PLCG1: variants seen among roughly 807,000 people sequenced by gnomAD.
PLCG1 encodes the protein 1-phosphatidylinositol 4,5-bisphosphate phosphodiesterase gamma-1.
Under a neutral mutation model 177.8 loss-of-function variants are expected in PLCG1, and 71 were observed. The observed-to-expected ratio is 0.40, with a 90% CI of 0.33 to 0.49. The LOEUF is 0.49. PLCG1 is among the 20% of genes least tolerant of loss of function. PLCG1 has a pLI of 0.72. For synonymous variants in PLCG1, 658 were observed against 647.9 expected, an observed-to-expected ratio of 1.02 and a Z score of -0.24; for missense variants, 1,281 against 1,709.0, an observed-to-expected ratio of 0.75 and a Z score of 4.42.
chr20:41,165,504 G>A lies in PLCG1; in HGVS notation c.1564G>A (p.Glu522Lys). The change falls in exon 15 of 32, where the codon GAG becomes AAG. Residue 522 changes from glutamate to lysine, a missense_variant. Glu to Lys is a moderately conservative substitution (Grantham distance 56). Transcript: ENST00000685551. This position sits in a 1 kb window ranked among gnomAD's most constrained non-coding sequence, Gnocchi z 6.6. ...LTSSKIYYSE[E>K]TSSDQGNEDE... ...CAGCAGCAAGATCTACTACTCTGAGGAGACCAGCAGTGACCAGGGCAACGA... is the reference window on the plus strand; with the variant it reads ...CAGCAGCAAGATCTACTACTCTGAGAAGACCAGCAGTGACCAGGGCAACGA... The A allele has an allele frequency of 6.2e-7, 1 of 1,614,050 alleles. No homozygotes were observed. The highest frequency in any genetic ancestry group is 8.5e-7 in the Non-Finnish European group (1 of 1,179,956).
chr20:41,162,653 G>A lies in PLCG1; in HGVS notation c.609G>A (p.Gln203=), dbSNP rs1263130405. 4 of 1,613,864 alleles carry A rather than the reference G, an allele frequency of 2.5e-6. No individual in the cohort carries two copies. In the Admixed American group the frequency reaches 6.7e-5, roughly 27 times the overall value. ...FLRERLTDLE[Q]RSGDITYGQF... is the part of the protein sequence containing the mutation. ...TCTATACCATGCAGGACCTGGAGCAGCGCAGCGGGGACATCACCTACGGGC... is the reference window on the plus strand; with the variant it reads ...TCTATACCATGCAGGACCTGGAGCAACGCAGCGGGGACATCACCTACGGGC... Residue 203 remains glutamine, a synonymous_variant, in exon 6 of 32, where the codon CAG becomes CAA. Coordinates refer to ENST00000685551, the MANE Select transcript of PLCG1 (RefSeq NM_002660.3).
At chr20:41,140,761 G>A (rs1204390424) in intron 1 of PLCG1, among the ~76,000 whole-genome samples, 1 of 152,198 alleles carries the variant, frequency 6.6e-6, no homozygotes, top group Non-Finnish European at 1.5e-5. Flanking sequence ...TTATGTTGCA[G>A]ATACTGACAT....
In PLCG1 at chr20:41,169,312, C is replaced by G. The variant is rs139122362; in HGVS notation, c.2580+137C>G. The G allele has an allele frequency of 6.2e-5, 57 of 918,086 alleles. No individual in the cohort carries two copies. The East Asian group carries it at 1.1e-3, about 18-fold the overall frequency. 56.9% of individuals were successfully genotyped at this position (918,086 alleles called of 1,614,324 possible). On this transcript the variant is annotated intron_variant, in intron 22 of 31. Coordinates refer to ENST00000685551, the MANE Select transcript of PLCG1 (RefSeq NM_002660.3). ...GGGCTGGTCGCACAGCCCATGTGGC[C>G]ATGCACGTAGTCTCCCATATACCTG...
chr20:41,171,381 CT>C (rs1044953520), intron 24 of PLCG1, among the ~76,000 whole-genome samples: 3 of 151,916 alleles, frequency 2.0e-5, no homozygotes, highest in Admixed American at 1.3e-4. Context: ...GAGGTCAGGA[CT>C]TCGAGACCAG....
Position 41,173,494 on chromosome 20 carries a change from A to AGCT in PLCG1, c.3356_3358dup (p.Ala1119dup), listed in dbSNP as rs1462003219. Reference sequence around the variant, plus strand: ...CTTTTGTGGAGATTGAGGTGGCTGGAGCTGAGTATGACAGCACCAAGCAGA... The same window carrying AGCT: ...CTTTTGTGGAGATTGAGGTGGCTGGAGCTGCTGAGTATGACAGCACCAAGCAGA... On this transcript the variant is annotated inframe_insertion, in exon 28 of 32. Transcript: ENST00000685551. The surrounding 1 kb of genome is among the most constrained non-coding windows in gnomAD (Gnocchi z 6.2). The AGCT allele has an allele frequency of 6.4e-7, 1 of 1,569,598 alleles. No homozygotes were observed. Among genetic ancestry groups the AGCT allele is most frequent in the Non-Finnish European group, 8.6e-7 (1 of 1,156,156 alleles).
At chr20:41,143,106 C>G (rs1265538680) in intron 1 of PLCG1, among the ~76,000 whole-genome samples, 1 of 152,190 alleles carries the variant, frequency 6.6e-6, no homozygotes, top group African/African-American at 2.4e-5. Flanking sequence ...GGGTGGTAAC[C>G]CCTTCTGTAG....
At position 41,163,124 on chromosome 20, in the gene PLCG1, T is replaced by C; in HGVS notation, c.717-79T>C. The stretch of plus-strand genomic sequence containing the variant: ...GACCATTCTGGGAAGCTGTGCTGGC[T>C]GGGAGTTGGGTTCTGCCTTCCGTGG... On this transcript the variant is annotated intron_variant, in intron 7 of 31. Transcript: ENST00000685551. This position sits in a 1 kb window ranked among gnomAD's most constrained non-coding sequence, Gnocchi z 5.2. 6.7e-7 allele frequency: 1 copy of C among 1,496,042 alleles called. No individual in the cohort carries two copies. Among genetic ancestry groups the C allele is most frequent in the Admixed American group, 1.7e-5 (1 of 57,266 alleles). The allele number at this position is 1,496,042 out of a possible 1,614,324, so 92.7% of individuals were successfully genotyped here. A position where few individuals can be genotyped will look rare whatever the true frequency, so the allele number is the denominator to read the frequency against.
intron 24 of PLCG1, among the ~76,000 whole-genome samples, chr20:41,171,729 G>A (rs1057496322): frequency 1.3e-5 from 2 of 152,152 alleles, no homozygotes; most frequent in Non-Finnish European, 2.9e-5. Flanking sequence ...AGTTGGGGGC[G>A]CTGAGGCAGT....
chr20:41,141,187 T>C (rs1002785940), intron 1 of PLCG1, among the ~76,000 whole-genome samples: 4 of 152,166 alleles, frequency 2.6e-5, no homozygotes, highest in African/African-American at 9.7e-5. Context: ...GTGTAGACAC[T>C]GTGGAGGTAC....
Position 41,166,706 on chromosome 20 carries a change from T to C in PLCG1, c.2148T>C (p.Arg716=). Residue 716 remains arginine (R), a synonymous_variant, in exon 19 of 32, where the codon CGT becomes CGC. Coordinates refer to ENST00000685551, the MANE Select transcript of PLCG1 (RefSeq NM_002660.3). This position sits in a 1 kb window ranked among gnomAD's most constrained non-coding sequence, Gnocchi z 8.6. The part of the protein sequence containing the change: ...FRAEGKIKHC[R]VQQEGQTVML... ...CTGAGGGCAAGATCAAGCATTGCCG[T>C]GTCCAGCAAGAGGGCCAGACAGTGA... The C allele has an allele frequency of 6.2e-7, 1 of 1,614,182 alleles. No individual in the cohort carries two copies. Among genetic ancestry groups the C allele is most frequent in the Non-Finnish European group, 8.5e-7 (1 of 1,180,032 alleles).
Position 41,174,381 on chromosome 20 carries a change from C to G in PLCG1, c.3833+70C>G. 3 of 1,602,012 alleles carry G rather than the reference C, an allele frequency of 1.9e-6. No homozygotes were observed. The South Asian group carries it at 3.3e-5, about 18-fold the overall frequency. On this transcript the variant is annotated intron_variant, in intron 31 of 31. Transcript: ENST00000685551. The surrounding 1 kb of genome is among the most constrained non-coding windows in gnomAD (Gnocchi z 5.8). ...GGTCCTCCTTCTTCAGTGTTTCTTTCTCCTGGGTAGAAAAGTTGTAATATT... is the reference window on the plus strand; with the variant it reads ...GGTCCTCCTTCTTCAGTGTTTCTTTGTCCTGGGTAGAAAAGTTGTAATATT...
At chr20:41,141,393 G>A (rs2034820862) in intron 1 of PLCG1, among the ~76,000 whole-genome samples, 1 of 152,254 alleles carries the variant, frequency 6.6e-6, no homozygotes, top group African/African-American at 2.4e-5. Flanking sequence ...GAGGGTGGCG[G>A]AAGAAAACAG....
At chr20:41,169,040 G>C in intron 21 of PLCG1, 39 bp from the exon 22 acceptor site, 1 of 1,492,762 alleles carries the variant, frequency 6.7e-7, no homozygotes, top group Non-Finnish European at 9.4e-7. Context: ...TGGGAGTTCG[G>C]GGTGGTTGCT....
At position 41,173,158 on chromosome 20, in the gene PLCG1, A is replaced by G. The variant is rs1037473590; in HGVS notation, c.3280-262A>G. Among the ~76,000 whole-genome samples, 3 of 152,190 alleles carry G rather than the reference A, an allele frequency of 2.0e-5. No homozygotes were observed. The highest frequency in any genetic ancestry group is 7.2e-5 in the African/African-American group (3 of 41,448). On this transcript the variant is annotated intron_variant, in intron 27 of 31. Transcript: ENST00000685551. This position sits in a 1 kb window ranked among gnomAD's most constrained non-coding sequence, Gnocchi z 6.2. ...TCATTTAAAAGATTTCTGTGTTAAA[A>G]TAGTAATGGATTTAACATGAAGTAG...
Position 41,156,484 on chromosome 20 carries a change from T to C in PLCG1, c.218-3122T>C, listed in dbSNP as rs1283888640. 6.6e-6 allele frequency among the ~76,000 whole-genome samples: 1 copy of C among 152,226 alleles called. No individual in the cohort carries two copies. The highest frequency in any genetic ancestry group is 1.5e-5 in the Non-Finnish European group (1 of 68,040). On this transcript the variant is annotated intron_variant, in intron 1 of 31. Transcript: ENST00000685551. The surrounding 1 kb of genome is among the most constrained non-coding windows in gnomAD (Gnocchi z 5.0). Reference sequence around the variant, plus strand: ...CCTGGGCATTAGGCCTTTGTCATTATGCTATACATCAGGCTTCTGGGCTGC... The same window carrying C: ...CCTGGGCATTAGGCCTTTGTCATTACGCTATACATCAGGCTTCTGGGCTGC...
At chr20:41,138,343 C>T (rs1600622413) in intron 1 of PLCG1, among the ~76,000 whole-genome samples, 1 of 152,192 alleles carries the variant, frequency 6.6e-6, no homozygotes, top group Admixed American at 6.5e-5. Context: ...TTTGGGTTCC[C>T]TAAGTAGAAC....
intron 1 of PLCG1, among the ~76,000 whole-genome samples, chr20:41,142,700 A>G (rs144102441): frequency 9.8e-5 from 15 of 152,292 alleles, no homozygotes; most frequent in East Asian, 9.6e-4. Flanking sequence ...AAAGCATATG[A>G]CTACCTCTCT....
At position 41,148,824 on chromosome 20, in the gene PLCG1, C is replaced by A. The variant is rs1302705123; in HGVS notation, c.218-10782C>A. 6.6e-6 allele frequency among the ~76,000 whole-genome samples: 1 copy of A among 152,194 alleles called. No homozygotes were observed. The highest frequency in any genetic ancestry group is 1.5e-5 in the Non-Finnish European group (1 of 68,020). On this transcript the variant is annotated intron_variant, in intron 1 of 31. Transcript: ENST00000685551. The surrounding 1 kb of genome is among the most constrained non-coding windows in gnomAD (Gnocchi z 4.3). ...CTGTGCTGGCCCTGCTTGGCCACTTCCAACAAGGATTCTGAGGCATTACAG... is the reference window on the plus strand; with the variant it reads ...CTGTGCTGGCCCTGCTTGGCCACTTACAACAAGGATTCTGAGGCATTACAG...
At chr20:41,140,258 C>T (rs1442479331) in intron 1 of PLCG1, among the ~76,000 whole-genome samples, 2 of 152,150 alleles carry the variant, frequency 1.3e-5, no homozygotes, top group Admixed American at 6.5e-5. Flanking sequence ...AAAGTCTGGT[C>T]GATGCTTGTG....
Sources: gnomAD v4.1 joint callset for allele counts (sites outside exome capture counted in the v4.1 genomes callset) on GRCh38, gnomAD v4.1.1 for gene constraint, Gnocchi (gnomAD v3.1) non-coding constraint, MANE v1.5 for transcripts, NCBI Gene and HGNC (gene_info 2026-07-23, HGNC 2026-07-21) for gene names.